IL7R: variants seen among roughly 807,000 people sequenced by gnomAD.
The protein encoded by IL7R is interleukin-7 receptor subunit alpha.
IL7R carries 38 observed loss-of-function variants against 47.0 expected under a neutral mutation model. That is an observed-to-expected ratio of 0.81 (90% confidence interval 0.62 to 1.06). The LOEUF (loss-of-function observed/expected upper bound fraction) is 1.06, where lower values mean the gene tolerates loss of function less well. Among genes scored for constraint, IL7R ranks in the 50% least tolerant of loss-of-function variants. IL7R has a pLI of 0.00. For missense variants in IL7R, 633 were observed against 534.8 expected, an observed-to-expected ratio of 1.18 and a Z score of -1.81; for synonymous variants, 221 against 199.8, an observed-to-expected ratio of 1.11 and a Z score of -0.89.
At chr5:35,863,519 G>A (rs564608055) in intron 2 of IL7R, among the ~76,000 whole-genome samples, 3 of 152,226 alleles carry the variant, frequency 2.0e-5, no homozygotes, top group Admixed American at 6.5e-5. Context: ...ACACATTGTG[G>A]GTTGTAGGTA....
At chr5:35,875,862 C>A in intron 7 of IL7R, 121 bp from the exon 8 acceptor site, 1 of 1,109,516 alleles carries the variant, frequency 9.0e-7, no homozygotes, top group Non-Finnish European at 1.3e-6. Context: ...CATTGAGGAA[C>A]ATGCTGGCAA....
intron 2 of IL7R, 137 bp downstream of exon 2, chr5:35,861,127 C>A: frequency 1.1e-6 from 1 of 913,164 alleles, no homozygotes; most frequent in Non-Finnish European, 1.8e-6. Context: ...CAAAGGCCTC[C>A]TGAAACTCCT....
chr5:35,868,954 G>A (rs1475696185), intron 3 of IL7R, among the ~76,000 whole-genome samples: 3 of 152,144 alleles, frequency 2.0e-5, no homozygotes, highest in African/African-American at 4.8e-5. Context: ...GCAAGGGGGA[G>A]AGGTACGTAT....
Position 35,857,036 on chromosome 5 carries a change from G to C in IL7R, c.59G>C (p.Gly20Ala). 1 of 1,607,930 alleles carries C rather than the reference G, an allele frequency of 6.2e-7. No individual in the cohort carries two copies. The highest frequency in any genetic ancestry group is 8.5e-7 in the Non-Finnish European group (1 of 1,175,018). The stretch of plus-strand genomic sequence containing the variant: ...TTTTCTTTACTTCAAGTCGTTTCTG[G>C]AGAAAGTGGCTATGCTCAAAATGGT... ...MVFSLLQVVS[G>A]ESGYAQNGDL... The change falls in exon 1 of 8, where the codon GGA becomes GCA. Residue 20 changes from glycine (G) to alanine (A), a missense_variant. Coordinates refer to ENST00000303115, the MANE Select transcript of IL7R (RefSeq NM_002185.5).
rs33994244 is a variant in IL7R, at chr5:35,878,386, GC to G, written c.*1902del. 30,760 of 232,992 alleles carry G rather than the reference GC, an allele frequency of 0.13. 2,064 individuals carry two copies. The highest frequency in any genetic ancestry group is 0.15 in the Admixed American group (2,584 of 17,778). 14.4% of individuals were successfully genotyped at this position (232,992 alleles called of 1,614,324 possible). A position where few individuals can be genotyped will look rare whatever the true frequency, so the allele number is the denominator to read the frequency against. ...AAGACACATAAAAGGATGGCATTCT[GC>G]CTCATAAATTGCAAAACCTAATGAA... On this transcript the variant is annotated 3_prime_UTR_variant, in exon 8 of 8. Transcript: ENST00000303115.
chr5:35,860,793 T>G lies in IL7R; in HGVS notation c.83-59T>G, dbSNP rs1355115103. The G allele has an allele frequency of 9.7e-6, 15 of 1,541,112 alleles. No homozygotes were observed. In the Admixed American group the frequency reaches 1.7e-4, roughly 17 times the overall value. ...CTGCTATTTTATTAAGGTCATGCCA[T>G]ATTTCAAAAGGATGCATTTATTTGT... On this transcript the variant is annotated intron_variant, in intron 1 of 7. Transcript: ENST00000303115.
intron 6 of IL7R, 57 bp downstream of exon 6, chr5:35,874,599 C>T: frequency 7.9e-7 from 1 of 1,269,786 alleles, no homozygotes. Flanking sequence ...ACAGTCAGAG[C>T]TTAAGCCCCA....
chr5:35,861,129 GAA>G, intron 2 of IL7R, 139 bp downstream of exon 2: 2 of 899,888 alleles, frequency 2.2e-6, no homozygotes, highest in South Asian at 2.8e-5. Flanking sequence ...AAGGCCTCCT[GAA>G]ACTCCTTGTC....
Position 35,873,624 on chromosome 5 carries a change from A to T in IL7R, c.682A>T (p.Thr228Ser). 6.2e-7 allele frequency: 1 copy of T among 1,614,008 alleles called. No homozygotes were observed. Among genetic ancestry groups the T allele is most frequent in the Non-Finnish European group, 8.5e-7 (1 of 1,179,892 alleles). ...ATGGAGTCCAAGTTATTACTTCAGA[A>T]CTCCAGAGATCAATAATAGCTCAGG... ...SEWSPSYYFR[T>S]PEINNSSGEM... is the part of the protein sequence containing the mutation. Residue 228 changes from threonine (T) to serine (S), a missense_variant, in exon 5 of 8, where the codon ACT (threonine) becomes TCT (serine). Coordinates refer to ENST00000303115, the MANE Select transcript of IL7R (RefSeq NM_002185.5).
rs1217575533 is a variant in IL7R at position 35,876,560 on chromosome 5, C to G, written c.*74C>G. 6.6e-7 allele frequency: 1 copy of G among 1,504,318 alleles called. No homozygotes were observed. Among genetic ancestry groups the G allele is most frequent in the Non-Finnish European group, 9.1e-7 (1 of 1,096,464 alleles). The allele number at this position is 1,504,318 out of a possible 1,614,324, so 93.2% of individuals were successfully genotyped here. A position where few individuals can be genotyped will look rare whatever the true frequency, so the allele number is the denominator to read the frequency against. On this transcript the variant is annotated 3_prime_UTR_variant, in exon 8 of 8. Transcript: ENST00000303115. ...AAAAGGGAAGTCTAGAGTTCCTAGT[C>G]TCCCTCACAGCACAGAGAAGACAAA...
chr5:35,858,379 G>A (rs1759716133), intron 1 of IL7R, among the ~76,000 whole-genome samples: 1 of 152,124 alleles, frequency 6.6e-6, no homozygotes, highest in African/African-American at 2.4e-5. Context: ...ATCAAGAGAA[G>A]AAAGGGATAC....
chr5:35,870,489 G>A (rs1045445036), intron 3 of IL7R, among the ~76,000 whole-genome samples: 1 of 152,192 alleles, frequency 6.6e-6, no homozygotes, highest in African/African-American at 2.4e-5. Context: ...CAAGAATAAA[G>A]ACTCAGAGTT....
At chr5:35,873,139 A>G in intron 4 of IL7R, 1 of 326,934 alleles carries the variant, frequency 3.1e-6, no homozygotes, top group South Asian at 3.2e-5. Flanking sequence ...CACTAACCTA[A>G]CCTAACCTTT....
intron 2 of IL7R, among the ~76,000 whole-genome samples, chr5:35,864,196 A>G (rs529832321): frequency 6.6e-6 from 1 of 152,226 alleles, no homozygotes; most frequent in Middle Eastern, 3.4e-3. Context: ...GTTGATGTCC[A>G]TCTCATAGCT....
intron 2 of IL7R, among the ~76,000 whole-genome samples, chr5:35,863,791 A>G (rs971002065): frequency 6.6e-6 from 1 of 152,124 alleles, no homozygotes; most frequent in Non-Finnish European, 1.5e-5. Flanking sequence ...TAACCCTATG[A>G]TATTACTTTT....
In IL7R at chr5:35,877,334, G is replaced by T. The variant is rs141201259; in HGVS notation, c.*848G>T. 1 of 233,220 alleles carries T rather than the reference G, an allele frequency of 4.3e-6. No homozygotes were observed. Among genetic ancestry groups the T allele is most frequent in the East Asian group, 6.0e-5 (1 of 16,596 alleles). The allele number at this position is 233,220 out of a possible 1,614,324, so 14.4% of individuals were successfully genotyped here. On this transcript the variant is annotated 3_prime_UTR_variant, in exon 8 of 8. Coordinates refer to ENST00000303115, the MANE Select transcript of IL7R (RefSeq NM_002185.5). Reference sequence around the variant, plus strand: ...GAGGGGGAGAAACAGTCTTGCGGGTGTGAAGTCCCATGACCAGCCATGTCA... The same window carrying T: ...GAGGGGGAGAAACAGTCTTGCGGGTTTGAAGTCCCATGACCAGCCATGTCA...
At position 35,876,303 on chromosome 5, in the gene IL7R, T is replaced by C; in HGVS notation, c.1197T>C (p.His399=). 1 of 1,613,938 alleles carries C rather than the reference T, an allele frequency of 6.2e-7. No individual in the cohort carries two copies. Among genetic ancestry groups the C allele is most frequent in the Non-Finnish European group, 8.5e-7 (1 of 1,179,856 alleles). Residue 399 remains histidine (H), a synonymous_variant, in exon 8 of 8, where the codon CAT becomes CAC. Transcript: ENST00000303115. ...DCRESGKNGP[H]VYQDLLLSLG... Reference sequence around the variant, plus strand: ...GGGAGAGTGGCAAGAATGGGCCTCATGTGTACCAGGACCTCCTGCTTAGCC... The same window carrying C: ...GGGAGAGTGGCAAGAATGGGCCTCACGTGTACCAGGACCTCCTGCTTAGCC...
At chr5:35,861,723 G>A (rs1256578550) in intron 2 of IL7R, among the ~76,000 whole-genome samples, 2 of 152,092 alleles carry the variant, frequency 1.3e-5, no homozygotes, top group Non-Finnish European at 2.9e-5. Context: ...TGGTTTGAAA[G>A]TTTACTAAAG....
chr5:35,868,003 A>G (rs1368284620), intron 3 of IL7R, among the ~76,000 whole-genome samples: 1 of 152,212 alleles, frequency 6.6e-6, no homozygotes, highest in Non-Finnish European at 1.5e-5. Context: ...TGGTTGTGGG[A>G]ACTGGCAATC....
Sources: allele counts gnomAD v4.1 joint callset (sites outside exome capture counted in the v4.1 genomes callset), GRCh38; gene constraint gnomAD v4.1.1; transcripts MANE v1.5; gene names NCBI Gene and HGNC (gene_info 2026-07-23, HGNC 2026-07-21).